The following LARGE1 variants were observed in gnomAD, a reference collection of about 807,000 sequenced individuals.
LARGE1 encodes LARGE xylosyl- and glucuronyltransferase 1.
Under a neutral mutation model 87.6 loss-of-function variants are expected in LARGE1, and 43 were observed. The observed-to-expected ratio is 0.49, with a 90% CI of 0.38 to 0.63. The LOEUF (loss-of-function observed/expected upper bound fraction) is 0.63. Ranked by LOEUF, LARGE1 falls within the 30% of genes least tolerant of loss-of-function variation. The pLI, the probability that LARGE1 is intolerant of heterozygous loss-of-function variation, is 0.00. For missense variants in LARGE1, 802 were observed against 1,000.2 expected (o/e 0.80, Z 2.67); for synonymous variants, 434 against 394.6 (o/e 1.10, Z -1.18).
chr22:33,600,780 C>T (rs1283982616), intron 5 of LARGE1, among the ~76,000 whole-genome samples: 1 of 152,148 alleles, frequency 6.6e-6, no homozygotes, highest in African/African-American at 2.4e-5. Context: ...GGGGCAGTGG[C>T]TCATGCCCGT....
At chr22:33,655,281 T>C (rs2080928243) in intron 2 of LARGE1, among the ~76,000 whole-genome samples, 1 of 152,060 alleles carries the variant, frequency 6.6e-6, no homozygotes, top group African/African-American at 2.4e-5. Context: ...AAGGCATGAG[T>C]AGAACAAAAA....
chr22:33,200,435 T>C (rs1215034618), intron 11 of LARGE1, among the ~76,000 whole-genome samples: 5 of 152,138 alleles, frequency 3.3e-5, no homozygotes, highest in Admixed American at 2.0e-4. Context: ...ATTTTGGCAG[T>C]TCCTCAGAAA....
chr22:33,787,511 C>A (rs1266683033), intron 1 of LARGE1, among the ~76,000 whole-genome samples: 1 of 152,192 alleles, frequency 6.6e-6, no homozygotes, highest in East Asian at 1.9e-4. Flanking sequence ...ACCAGTCCTG[C>A]CTCCAAACTA....
chr22:33,095,510 T>A, the LARGE1 span, among the ~76,000 whole-genome samples: 22 of 152,198 alleles, frequency 1.4e-4, no homozygotes, highest in African/African-American at 5.1e-4. Flanking sequence ...CCAAATGAGG[T>A]CATATTTACA....
intron 1 of LARGE1, among the ~76,000 whole-genome samples, chr22:33,863,081 AACTC>A (rs1349200226): frequency 6.6e-6 from 1 of 152,162 alleles, no homozygotes. Context: ...CCCAGCAGGG[AACTC>A]ACCGTTCCCA....
intron 5 of LARGE1, among the ~76,000 whole-genome samples, chr22:33,600,079 A>G (rs1046219166): frequency 3.3e-5 from 5 of 152,176 alleles, no homozygotes; most frequent in Non-Finnish European, 7.3e-5. Flanking sequence ...ACAAATAGGC[A>G]TTAGGAATGT....
chr22:33,549,938 T>C (rs1376892085), intron 6 of LARGE1, among the ~76,000 whole-genome samples: 1 of 152,138 alleles, frequency 6.6e-6, no homozygotes, highest in Non-Finnish European at 1.5e-5. Context: ...TCACCCTTTG[T>C]TTACGGCTGC....
At chr22:33,699,264 C>T (rs1348129474) in intron 2 of LARGE1, among the ~76,000 whole-genome samples, 2 of 152,230 alleles carry the variant, frequency 1.3e-5, no homozygotes, top group South Asian at 2.1e-4. Flanking sequence ...AGGGGTAACA[C>T]AGCTGTTTCC....
intron 1 of LARGE1, among the ~76,000 whole-genome samples, chr22:33,887,918 T>C (rs1057197124): frequency 1.3e-5 from 2 of 152,216 alleles, no homozygotes; most frequent in Non-Finnish European, 2.9e-5. Flanking sequence ...GTCACATACG[T>C]TTGTTTCTAT....
At chr22:33,433,360 G>C (rs1218696585) in intron 6 of LARGE1, among the ~76,000 whole-genome samples, 1 of 152,122 alleles carries the variant, frequency 6.6e-6, no homozygotes, top group Non-Finnish European at 1.5e-5. Context: ...ACTTTGGGAG[G>C]CCGGGATGGG....
intron 5 of LARGE1, among the ~76,000 whole-genome samples, chr22:33,596,621 A>G (rs761986276): frequency 1.3e-5 from 2 of 152,264 alleles, no homozygotes; most frequent in Non-Finnish European, 2.9e-5. Context: ...TTCTAGAAAA[A>G]TAAGCCAAAA....
intron 9 of LARGE1, among the ~76,000 whole-genome samples, chr22:33,361,918 T>G (rs1294492098): frequency 2.0e-5 from 3 of 149,342 alleles, no homozygotes; most frequent in East Asian, 3.9e-4. Context: ...TAGAAACCCC[T>G]AGAGAGACCC....
chr22:33,864,570 G>A (rs1236629024), intron 1 of LARGE1, among the ~76,000 whole-genome samples: 1 of 152,132 alleles, frequency 6.6e-6, no homozygotes, highest in South Asian at 2.1e-4. Context: ...AGCTCCTTGA[G>A]GGTAGGGATG....
chr22:33,342,868 G>T (rs973201764), intron 9 of LARGE1, among the ~76,000 whole-genome samples: 2 of 152,146 alleles, frequency 1.3e-5, no homozygotes, highest in Non-Finnish European at 2.9e-5. Context: ...CCCTCTGATC[G>T]GCAAGCCCAT....
the LARGE1 span, among the ~76,000 whole-genome samples, chr22:33,145,489 C>G: frequency 5.9e-5 from 9 of 152,134 alleles, no homozygotes; most frequent in Non-Finnish European, 1.0e-4. Context: ...GGAATGGTAT[C>G]CAGGTCAGGG....
chr22:33,318,350 A>AT (rs1936382760), intron 10 of LARGE1, among the ~76,000 whole-genome samples: 1 of 152,192 alleles, frequency 6.6e-6, no homozygotes. Context: ...TATGAGTGAG[A>AT]ACATGCGGTG....
the LARGE1 span, among the ~76,000 whole-genome samples, chr22:33,113,873 CTTTTT>C: frequency 7.1e-6 from 1 of 140,356 alleles, no homozygotes; most frequent in African/African-American, 2.6e-5. Context: ...TAGGGATTTT[CTTTTT>C]TTTTTTTTTT....
intron 1 of LARGE1, among the ~76,000 whole-genome samples, chr22:33,789,914 G>A (rs182224771): frequency 1.5e-4 from 23 of 152,192 alleles, no homozygotes; most frequent in Non-Finnish European, 2.4e-4. Flanking sequence ...TTGGACTGTG[G>A]ACTTTTGAGT....
chr22:33,174,028 C>T (rs751922793), intron 11 of LARGE1, among the ~76,000 whole-genome samples: 6 of 152,194 alleles, frequency 3.9e-5, no homozygotes, highest in Non-Finnish European at 8.8e-5. Context: ...CCCAAATCAA[C>T]AGAATATAGA....
Sources: allele counts gnomAD v4.1 joint callset (sites outside exome capture counted in the v4.1 genomes callset), GRCh38; gene constraint gnomAD v4.1.1; transcripts MANE v1.5; gene names NCBI Gene and HGNC (gene_info 2026-07-23, HGNC 2026-07-21).